Variants in NPAS3 observed in about 807,000 individuals in gnomAD.
NPAS3 encodes the protein neuronal PAS domain-containing protein 3.
Under a neutral mutation model 73.1 loss-of-function variants are expected in NPAS3, and 14 were observed. The ratio of observed to expected loss-of-function variants is 0.19; its 90% CI spans 0.13 to 0.30. The LOEUF (loss-of-function observed/expected upper bound fraction) is 0.30. Among genes scored for constraint, NPAS3 ranks in the 10% least tolerant of loss-of-function variants. The pLI is 1.00. For synonymous variants in NPAS3, 620 were observed against 541.5 expected (o/e 1.14, Z -2.01); for missense variants, 1,096 against 1,250.0 (o/e 0.88, Z 1.86).
chr14:33,049,681 A>G (rs1471386293), intron 1 of NPAS3, among the ~76,000 whole-genome samples: 3 of 152,208 alleles, frequency 2.0e-5, no homozygotes, highest in African/African-American at 7.2e-5. Context: ...GGGTGGGGAC[A>G]CAGAGCCAAA....
chr14:33,447,583 A>C (rs924729326), intron 4 of NPAS3, among the ~76,000 whole-genome samples: 6 of 152,186 alleles, frequency 3.9e-5, no homozygotes, highest in African/African-American at 1.4e-4. Context: ...AAGAAGAGAA[A>C]ATAGTGAGGG....
chr14:33,228,380 A>G (rs2047715946), intron 3 of NPAS3, among the ~76,000 whole-genome samples: 2 of 152,142 alleles, frequency 1.3e-5, no homozygotes, highest in South Asian at 2.1e-4. Flanking sequence ...ATAAACTGTT[A>G]ATGTAGATAT....
intron 3 of NPAS3, among the ~76,000 whole-genome samples, chr14:33,294,407 C>T (rs536828444): frequency 4.7e-4 from 72 of 152,204 alleles, no homozygotes; most frequent in African/African-American, 1.7e-3. Flanking sequence ...ATGTGAGTTC[C>T]TCAGGGCAGC....
At chr14:33,256,475 A>G (rs1180592409) in intron 3 of NPAS3, among the ~76,000 whole-genome samples, 1 of 152,100 alleles carries the variant, frequency 6.6e-6, no homozygotes, top group Admixed American at 6.5e-5. Flanking sequence ...TAATTTCACT[A>G]ATTAGATTTT....
chr14:32,981,252 A>G (rs1221295344), intron 1 of NPAS3, among the ~76,000 whole-genome samples: 1 of 152,226 alleles, frequency 6.6e-6, no homozygotes, highest in East Asian at 1.9e-4. Context: ...CAGCCACCAG[A>G]TGCAAAATCC....
chr14:33,384,302 A>C (rs2046680998), intron 4 of NPAS3, among the ~76,000 whole-genome samples: 1 of 152,184 alleles, frequency 6.6e-6, no homozygotes, highest in South Asian at 2.1e-4. Flanking sequence ...CAGTTTCTAT[A>C]AAATGGACGG....
intron 2 of NPAS3, among the ~76,000 whole-genome samples, chr14:33,074,352 G>A (rs115692428): frequency 0.051 from 7,733 of 152,288 alleles, 245 homozygotes; most frequent in African/African-American, 0.088. Flanking sequence ...AATGCTGCCT[G>A]TGCATTAAGG....
intron 5 of NPAS3, among the ~76,000 whole-genome samples, chr14:33,624,241 C>A (rs2058160746): frequency 6.6e-6 from 1 of 152,130 alleles, no homozygotes; most frequent in African/African-American, 2.4e-5. Context: ...TCACCTAGAA[C>A]AGCATGTGAC....
intron 5 of NPAS3, among the ~76,000 whole-genome samples, chr14:33,670,485 T>C (rs2059579465): frequency 6.6e-6 from 1 of 152,218 alleles, no homozygotes; most frequent in Non-Finnish European, 1.5e-5. Flanking sequence ...AGTGGAGTTC[T>C]GCAATATGTA....
chr14:33,536,292 A>G (rs1169352583), intron 4 of NPAS3, among the ~76,000 whole-genome samples: 1 of 152,234 alleles, frequency 6.6e-6, no homozygotes, highest in African/African-American at 2.4e-5. Flanking sequence ...GATAGATACA[A>G]CAAAACTACA....
intron 2 of NPAS3, among the ~76,000 whole-genome samples, chr14:33,199,371 TTC>T (rs1432432314): frequency 6.6e-6 from 1 of 152,188 alleles, no homozygotes; most frequent in East Asian, 1.9e-4. Flanking sequence ...AGGTCTAGGA[TTC>T]TCTTTTACAA....
chr14:33,181,105 A>G (rs934360466), intron 2 of NPAS3, among the ~76,000 whole-genome samples: 5 of 152,168 alleles, frequency 3.3e-5, no homozygotes, highest in African/African-American at 1.2e-4. Context: ...ATGAGGAGAG[A>G]TACCATTGGA....
At chr14:33,268,381 T>G (rs916510398) in intron 3 of NPAS3, among the ~76,000 whole-genome samples, 5 of 152,220 alleles carry the variant, frequency 3.3e-5, no homozygotes, top group Non-Finnish European at 7.3e-5. Flanking sequence ...AAAACTAATA[T>G]AGTAAGACAT....
chr14:33,243,748 C>T (rs1488418314), intron 3 of NPAS3, among the ~76,000 whole-genome samples: 2 of 151,216 alleles, frequency 1.3e-5, no homozygotes, highest in African/African-American at 4.9e-5. Flanking sequence ...TGGCAAAACA[C>T]ATAAGCCAGC....
At chr14:33,732,581 A>C in intron 6 of NPAS3, among the ~76,000 whole-genome samples, 1 of 152,318 alleles carries the variant, frequency 6.6e-6, no homozygotes, top group South Asian at 2.1e-4. Context: ...GAATTTCAGT[A>C]GAAATTGTCA....
At chr14:32,937,289 A>G (rs138842254), upstream of NPAS3, among the ~76,000 whole-genome samples, 1 of 152,254 alleles carries the variant, frequency 6.6e-6, no homozygotes, top group African/African-American at 2.4e-5. Flanking sequence ...GAATGGTGAC[A>G]TATCATTTTA....
At chr14:33,483,543 A>G (rs530374961) in intron 4 of NPAS3, among the ~76,000 whole-genome samples, 60 of 152,296 alleles carry the variant, frequency 3.9e-4, no homozygotes, top group African/African-American at 1.3e-3. Context: ...CTAAGTCAGA[A>G]TGGTTCATGC....
At chr14:33,750,220 T>C (rs943234170) in intron 7 of NPAS3, among the ~76,000 whole-genome samples, 22 of 152,170 alleles carry the variant, frequency 1.4e-4, no homozygotes, top group African/African-American at 5.3e-4. Context: ...TATTCCTTTT[T>C]TTTTTTTTCT....
intron 3 of NPAS3, among the ~76,000 whole-genome samples, chr14:33,324,855 A>G (rs115295817): frequency 7.1e-4 from 108 of 152,250 alleles, no homozygotes; most frequent in African/African-American, 2.5e-3. Flanking sequence ...TTCTCAGTGT[A>G]GAATTCTTTT....
Sources: gnomAD v4.1 joint callset for allele counts (sites outside exome capture counted in the v4.1 genomes callset) on GRCh38, gnomAD v4.1.1 for gene constraint, MANE v1.5 for transcripts, NCBI Gene and HGNC (gene_info 2026-07-23, HGNC 2026-07-21) for gene names.